Variants in NEGR1 observed in about 807,000 individuals in gnomAD.
The protein encoded by NEGR1 is neuronal growth regulator 1.
A neutral mutation model predicts 40.9 loss-of-function variants in NEGR1; 10 were observed. The observed-to-expected ratio is 0.24, with a 90% CI of 0.15 to 0.42. The LOEUF is 0.42. Among genes scored for constraint, NEGR1 ranks in the 10% least tolerant of loss-of-function variants. The pLI is 1.00. For missense variants in NEGR1, 352 were observed against 438.9 expected (o/e 0.80, Z 1.77); for synonymous variants, 185 against 166.8 (o/e 1.11, Z -0.84).
At chr1:71,911,890 T>G (rs1352065687) in intron 2 of NEGR1, among the ~76,000 whole-genome samples, 2 of 152,094 alleles carry the variant, frequency 1.3e-5, no homozygotes, top group Non-Finnish European at 2.9e-5. Flanking sequence ...CCTACAAGAG[T>G]CTACCACCAC....
At chr1:72,017,040 T>C (rs1001063979) in intron 1 of NEGR1, among the ~76,000 whole-genome samples, 1 of 152,132 alleles carries the variant, frequency 6.6e-6, no homozygotes, top group African/African-American at 2.4e-5. Context: ...ATAAAATATA[T>C]GTATTGGAGT....
chr1:71,647,728 C>G (rs1280890858), intron 4 of NEGR1, among the ~76,000 whole-genome samples: 1 of 151,942 alleles, frequency 6.6e-6, no homozygotes, highest in Non-Finnish European at 1.5e-5. Flanking sequence ...ACTAATGTCA[C>G]TATTTGCAGC....
chr1:71,976,034 C>T (rs911186572), intron 1 of NEGR1, among the ~76,000 whole-genome samples: 1 of 152,166 alleles, frequency 6.6e-6, no homozygotes, highest in Non-Finnish European at 1.5e-5. Context: ...CCGCGATAAA[C>T]ATGATTTTTT....
intron 6 of NEGR1, among the ~76,000 whole-genome samples, chr1:71,575,066 A>T (rs1228913595): frequency 6.6e-6 from 1 of 152,170 alleles, no homozygotes; most frequent in Non-Finnish European, 1.5e-5. Context: ...GATTGCTCAT[A>T]TGTGTTGCCT....
At chr1:71,949,245 C>T (rs568786488) in intron 1 of NEGR1, among the ~76,000 whole-genome samples, 1 of 152,230 alleles carries the variant, frequency 6.6e-6, no homozygotes, top group Non-Finnish European at 1.5e-5. Flanking sequence ...AGCACCTAAC[C>T]TTAGATGTCA....
chr1:71,933,365 GA>G (rs1478892453), intron 2 of NEGR1, among the ~76,000 whole-genome samples: 1 of 152,000 alleles, frequency 6.6e-6, no homozygotes, highest in African/African-American at 2.4e-5. Context: ...ATGGAAAAAG[GA>G]AAATGGAATA....
chr1:72,200,522 G>T (rs1653167117), intron 1 of NEGR1, among the ~76,000 whole-genome samples: 1 of 151,884 alleles, frequency 6.6e-6, no homozygotes, highest in Admixed American at 6.6e-5. Context: ...ATTGAGCAGG[G>T]AAGGCTACGT....
At chr1:71,949,377 T>C (rs1476811410) in intron 1 of NEGR1, among the ~76,000 whole-genome samples, 1 of 152,178 alleles carries the variant, frequency 6.6e-6, no homozygotes, top group African/African-American at 2.4e-5. Flanking sequence ...CCTGCACTGT[T>C]CAGTCACTCA....
intron 4 of NEGR1, among the ~76,000 whole-genome samples, chr1:71,684,502 G>A (rs1312839638): frequency 2.0e-5 from 3 of 151,382 alleles, no homozygotes; most frequent in Admixed American, 6.6e-5. Flanking sequence ...TTTTGTGTGC[G>A]TGTGTGTGTG....
At chr1:72,090,253 A>C (rs1201697075) in intron 1 of NEGR1, among the ~76,000 whole-genome samples, 3 of 151,986 alleles carry the variant, frequency 2.0e-5, no homozygotes, top group Non-Finnish European at 4.4e-5. Context: ...CTTAAGGCAA[A>C]ACGTCCACCA....
chr1:71,802,032 T>C (rs1352922916), intron 2 of NEGR1, among the ~76,000 whole-genome samples: 1 of 152,154 alleles, frequency 6.6e-6, no homozygotes, highest in African/African-American at 2.4e-5. Flanking sequence ...TGCTATGAAG[T>C]GGCAAATACT....
chr1:72,240,099 C>G (rs1354655239), intron 1 of NEGR1, among the ~76,000 whole-genome samples: 1 of 151,904 alleles, frequency 6.6e-6, no homozygotes. Flanking sequence ...AAACTTGAAG[C>G]AAGAACAAAC....
chr1:72,138,562 G>C (rs750076207), intron 1 of NEGR1, among the ~76,000 whole-genome samples: 1 of 151,850 alleles, frequency 6.6e-6, no homozygotes, highest in Non-Finnish European at 1.5e-5. Context: ...TCAAAAGAAA[G>C]TTGGAATGAC....
intron 1 of NEGR1, among the ~76,000 whole-genome samples, chr1:72,172,728 G>A (rs1201541012): frequency 6.6e-6 from 1 of 152,142 alleles, no homozygotes; most frequent in East Asian, 1.9e-4. Context: ...AAATCAAGGT[G>A]TTCGCAGATT....
intron 1 of NEGR1, among the ~76,000 whole-genome samples, chr1:71,990,149 G>A (rs6677919): frequency 0.23 from 34,672 of 151,990 alleles, 4,403 homozygotes; most frequent in East Asian, 0.52. Context: ...TTTTCTCATG[G>A]AATCCAAATG....
At chr1:71,990,732 C>A (rs1229173990) in intron 1 of NEGR1, among the ~76,000 whole-genome samples, 3 of 151,970 alleles carry the variant, frequency 2.0e-5, no homozygotes, top group Admixed American at 2.0e-4. Context: ...TACACAAAGT[C>A]TCTCTGGATA....
At chr1:72,026,924 T>G (rs2100431201) in intron 1 of NEGR1, among the ~76,000 whole-genome samples, 1 of 152,146 alleles carries the variant, frequency 6.6e-6, no homozygotes, top group South Asian at 2.1e-4. Context: ...TTTGTTTTGT[T>G]TTGTTTTTTG....
intron 2 of NEGR1, among the ~76,000 whole-genome samples, chr1:71,850,431 C>T (rs777326403): frequency 6.6e-5 from 10 of 152,264 alleles, no homozygotes; most frequent in Non-Finnish European, 1.2e-4. Flanking sequence ...GCTTGGATTA[C>T]AGCACGAGCC....
At chr1:71,846,469 G>C (rs1338590623) in intron 2 of NEGR1, among the ~76,000 whole-genome samples, 1 of 140,034 alleles carries the variant, frequency 7.1e-6, no homozygotes, top group Non-Finnish European at 1.5e-5. Context: ...ACATTTTCTA[G>C]GAATTGTTTC....
Sources: allele counts gnomAD v4.1 joint callset (sites outside exome capture counted in the v4.1 genomes callset), GRCh38; gene constraint gnomAD v4.1.1; transcripts MANE v1.5; gene names NCBI Gene and HGNC (gene_info 2026-07-23, HGNC 2026-07-21).